Variants in SCML2 observed in about 807,000 individuals in gnomAD.
SCML2 encodes Scm polycomb group protein like 2, also known as sex comb on midleg-like protein 2.
Under a neutral mutation model 48.4 loss-of-function variants are expected in SCML2, and 6 were observed. The observed-to-expected ratio is 0.12, with a 90% CI of 0.07 to 0.24. The LOEUF is 0.24. SCML2 is among the 10% of genes least tolerant of loss of function. The probability of loss-of-function intolerance (pLI) is 1.00; values close to 1 mark genes in which losing one functional copy is unlikely to be tolerated. For missense variants in SCML2, 377 were observed against 528.2 expected (o/e 0.71, Z 2.81); for synonymous variants, 181 against 189.5 (o/e 0.95, Z 0.37).
At chrX:18,272,805 G>C (rs1167589577) in intron 7 of SCML2, among the ~76,000 whole-genome samples, 5 of 111,235 alleles carry the variant, frequency 4.5e-5, no homozygotes, top group Non-Finnish European at 9.4e-5. Context: ...CCTGACAAAT[G>C]GAAGGAAAAA....
At chrX:18,251,517 T>C (rs983242027) in intron 11 of SCML2, among the ~76,000 whole-genome samples, 3 of 110,605 alleles carry the variant, frequency 2.7e-5, no homozygotes, top group Admixed American at 9.6e-5. Flanking sequence ...GATATACAAA[T>C]GGCCAAAAAG....
intron 8 of SCML2, among the ~76,000 whole-genome samples, chrX:18,263,592 G>A (rs982767647): frequency 9.0e-6 from 1 of 110,771 alleles, no homozygotes; most frequent in East Asian, 2.8e-4. Flanking sequence ...AGAGTAATAA[G>A]GAAAAGATTT....
intron 7 of SCML2, among the ~76,000 whole-genome samples, chrX:18,288,672 T>C (rs952126673): frequency 8.9e-5 from 10 of 111,941 alleles, no homozygotes; most frequent in Non-Finnish European, 1.9e-4. Flanking sequence ...TCAATTACAA[T>C]ATAAAAAAAC....
At chrX:18,317,065 C>G (rs1162421478) in intron 6 of SCML2, among the ~76,000 whole-genome samples, 1 of 111,719 alleles carries the variant, frequency 9.0e-6, no homozygotes, top group Non-Finnish European at 1.9e-5. Context: ...AAAACATACA[C>G]CCCTTTGTTT....
rs778823125 is a variant in SCML2, at chrX:18,269,306, T to C, written c.731-3504A>G. On this transcript the variant is annotated intron_variant, in intron 7 of 14. Coordinates refer to ENST00000251900, the MANE Select transcript of SCML2 (RefSeq NM_006089.3). ...ATGGAGGCGGTTTCCCCCATGCTGT[T>C]CTCGTGATAGTAAGAGAGTTCTCAC... Among the ~76,000 whole-genome samples, 8 of 111,241 alleles carry C rather than the reference T, an allele frequency of 7.2e-5. 1 individual carries two copies. The East Asian group carries it at 2.3e-3, about 32-fold the overall frequency.
At chrX:18,341,932 A>G (rs1930026387) in intron 1 of SCML2, among the ~76,000 whole-genome samples, 2 of 112,278 alleles carry the variant, frequency 1.8e-5, no homozygotes, top group African/African-American at 3.2e-5. Context: ...ACTATAATCT[A>G]TTGGTAAATG....
intron 7 of SCML2, among the ~76,000 whole-genome samples, chrX:18,296,446 T>C (rs890394549): frequency 9.1e-6 from 1 of 109,435 alleles, no homozygotes; most frequent in East Asian, 2.9e-4. Context: ...CTACATGACA[T>C]ATGAGACACC....
chrX:18,354,457 G>C (rs766023224), intron 1 of SCML2, 135 bp downstream of exon 1: 1 of 226,269 alleles, frequency 4.4e-6, no homozygotes, highest in African/African-American at 2.9e-5. Flanking sequence ...TGGGACATAG[G>C]CGGGATCGTA....
chrX:18,339,946 T>A (rs1393764687), intron 1 of SCML2, among the ~76,000 whole-genome samples: 1 of 112,008 alleles, frequency 8.9e-6, no homozygotes, highest in East Asian at 2.8e-4. Context: ...ACCCTTCAAA[T>A]TTTAAAAAAT....
chrX:18,312,972 GGT>G (rs1239048069), intron 6 of SCML2, among the ~76,000 whole-genome samples: 2 of 92,551 alleles, frequency 2.2e-5, no homozygotes, highest in East Asian at 6.7e-4. Flanking sequence ...AGCCAGAATG[GGT>G]GTGCGTGTGT....
intron 3 of SCML2, among the ~76,000 whole-genome samples, chrX:18,328,609 C>T (rs904357222): frequency 8.9e-6 from 1 of 111,819 alleles, no homozygotes; most frequent in African/African-American, 3.2e-5. Context: ...AAGGTCAAAG[C>T]TGCAATGAGC....
intron 3 of SCML2, among the ~76,000 whole-genome samples, chrX:18,326,768 G>A (rs760245987): frequency 9.1e-6 from 1 of 109,656 alleles, no homozygotes; most frequent in East Asian, 2.9e-4. Context: ...ATGTGACCCT[G>A]AGCAAGTCAT....
intron 6 of SCML2, among the ~76,000 whole-genome samples, chrX:18,315,844 G>A (rs1465067528): frequency 9.0e-6 from 1 of 110,623 alleles, no homozygotes; most frequent in Non-Finnish European, 1.9e-5. Flanking sequence ...ATCCATCACA[G>A]CACAAACATC....
rs910519455 is a variant in SCML2 at position 18,318,988 on chromosome X, C to T, written c.486+1344G>A. On this transcript the variant is annotated intron_variant, in intron 6 of 14. Coordinates refer to ENST00000251900, the MANE Select transcript of SCML2 (RefSeq NM_006089.3). ...AAGGTTATTAGGGTAGGCCCTAATC[C>T]AATATGACTGACATCCTTATAAGAG... 3.6e-5 allele frequency among the ~76,000 whole-genome samples: 4 copies of T among 111,832 alleles called. No homozygotes were observed. In the South Asian group the frequency reaches 1.1e-3, roughly 31 times the overall value.
At chrX:18,260,590 T>C (rs771054278) in intron 8 of SCML2, among the ~76,000 whole-genome samples, 11 of 109,715 alleles carry the variant, frequency 1.0e-4, no homozygotes, top group Non-Finnish European at 2.1e-4. Context: ...AAACATACTT[T>C]ATTTTTTGAG....
chrX:18,267,338 C>T (rs1927288791), intron 7 of SCML2, among the ~76,000 whole-genome samples: 1 of 111,384 alleles, frequency 9.0e-6, no homozygotes. Context: ...GCTTTACTCT[C>T]TACTCAACCT....
chrX:18,347,260 C>T (rs1210442754), intron 1 of SCML2, among the ~76,000 whole-genome samples: 2 of 109,445 alleles, frequency 1.8e-5, no homozygotes, highest in Admixed American at 2.0e-4. Flanking sequence ...GACTGGCCAA[C>T]ATGGTAAAAC....
intron 1 of SCML2, among the ~76,000 whole-genome samples, chrX:18,340,059 A>G (rs1318605561): frequency 8.9e-6 from 1 of 112,257 alleles, no homozygotes; most frequent in Non-Finnish European, 1.9e-5. Flanking sequence ...TCTCTATATA[A>G]TAAATTCATA....
At chrX:18,288,364 A>T (rs1190690122) in intron 7 of SCML2, among the ~76,000 whole-genome samples, 2 of 111,870 alleles carry the variant, frequency 1.8e-5, no homozygotes, top group East Asian at 5.5e-4. Flanking sequence ...ACTATTTTTT[A>T]AAAAATGACA....
Sources: gnomAD v4.1 joint callset for allele counts (sites outside exome capture counted in the v4.1 genomes callset) on GRCh38, gnomAD v4.1.1 for gene constraint, MANE v1.5 for transcripts, NCBI Gene and HGNC (gene_info 2026-07-23, HGNC 2026-07-21) for gene names.